The following DST variants were observed in gnomAD, a reference collection of about 807,000 sequenced individuals.
The protein encoded by DST is dystonin.
DST carries 253 observed loss-of-function variants against 875.2 expected under a neutral mutation model. The ratio of observed to expected loss-of-function variants is 0.29; its 90% confidence interval spans 0.26 to 0.32. The LOEUF (loss-of-function observed/expected upper bound fraction) is 0.32, where lower values mean the gene tolerates loss of function less well. DST is among the 10% of genes least tolerant of loss of function. DST has a pLI of 1.00. For missense variants in DST, 8,287 were observed against 9,111.6 expected, an observed-to-expected ratio of 0.91 and a Z score of 3.68; for synonymous variants, 3,124 against 3,197.1, an observed-to-expected ratio of 0.98 and a Z score of 0.77.
chr6:56,706,176 T>C (rs544297841), intron 5 of DST, among the ~76,000 whole-genome samples: 21 of 152,108 alleles, frequency 1.4e-4, no homozygotes, highest in Non-Finnish European at 2.8e-4. Flanking sequence ...TAGCCGTGCA[T>C]GGTGGCAGGT....
chr6:56,634,014 A>G lies in DST; in HGVS notation c.3621+118T>C. ...ACAAATATTCATTGAATAAATGAATATTAGCATGGATTTGCCGGACTCCAT... is the reference window on the plus strand; with the variant it reads ...ACAAATATTCATTGAATAAATGAATGTTAGCATGGATTTGCCGGACTCCAT... On this transcript the variant is annotated intron_variant, in intron 27 of 103. Coordinates refer to ENST00000680361, the MANE Select transcript of DST (RefSeq NM_001374736.1). 3 of 1,188,670 alleles carry G rather than the reference A, an allele frequency of 2.5e-6. No homozygotes were observed. In the South Asian group the frequency reaches 3.7e-5, roughly 15 times the overall value. The allele number at this position is 1,188,670 out of a possible 1,614,324, so 73.6% of individuals were successfully genotyped here.
Position 56,552,204 on chromosome 6 carries a change from GATTA to G in DST, c.16584_16587del (p.Asn5529SerfsTer24). On this transcript the variant is annotated frameshift_variant, in exon 61 of 104. Transcript: ENST00000680361. LOFTEE classifies it high-confidence loss of function. The stretch of plus-strand genomic sequence containing the variant: ...CCTACCTTGAACATGTTAAGCTGCT[GATTA>G]ATTGTCTCCGTTTCCATACCAACAG... 1 of 1,612,352 alleles carries G rather than the reference GATTA, an allele frequency of 6.2e-7. No individual in the cohort carries two copies. The highest frequency in any genetic ancestry group is 8.5e-7 in the Non-Finnish European group (1 of 1,179,134).
At position 56,594,191 on chromosome 6, in the gene DST, G is replaced by A. The variant is rs1431315325; in HGVS notation, c.12198C>T (p.Ala4066=). 2 of 1,512,482 alleles carry A rather than the reference G, an allele frequency of 1.3e-6. No homozygotes were observed. The allele number at this position is 1,512,482 out of a possible 1,614,324, so 93.7% of individuals were successfully genotyped here. A position where few individuals can be genotyped will look rare whatever the true frequency, so the allele number is the denominator to read the frequency against. The change falls in exon 48 of 104, where the codon GCC becomes GCT. Residue 4066 remains alanine, a splice_region_variant and synonymous_variant. Coordinates refer to ENST00000680361, the MANE Select transcript of DST (RefSeq NM_001374736.1). ...NLNQQYQKVK[A]QHEKIISQHQ... ...GCTGAGAGATGATCTTCTCGTGTTG[G>A]GCCTATGTGAAAACAAATTGATCAT...
At position 56,634,944 on chromosome 6, in the gene DST, C is replaced by T; in HGVS notation, c.3196G>A (p.Glu1066Lys). The change falls in exon 25 of 104, where the codon GAA (glutamate) becomes AAA (lysine). Residue 1066 changes from glutamate (E) to lysine (K), a missense_variant. Physicochemically the swap from Glu to Lys is moderately conservative, Grantham distance 56. This residue lies in a region of DST where 1,160 missense variants were observed against 1,424.3 expected (regional missense o/e 0.81). Transcript: ENST00000680361. ...GTGCTTTTGTACTGCAGAAGTTCTT[C>T]TTTCTCTTCCTAAGTAATAAATACA... The part of the protein sequence containing the change: ...DLVQESMEEK[E>K]ELLQYKSTIA... 1 of 1,611,612 alleles carries T rather than the reference C, an allele frequency of 6.2e-7. No individual in the cohort carries two copies. Among genetic ancestry groups the T allele is most frequent in the South Asian group, 1.1e-5 (1 of 91,028 alleles).
intron 4 of DST, among the ~76,000 whole-genome samples, chr6:56,824,242 C>A (rs1200033076): frequency 2.6e-5 from 4 of 152,200 alleles, no homozygotes; most frequent in Non-Finnish European, 4.4e-5. Flanking sequence ...AGCTCCTAAC[C>A]GCGAGTGATC....
intron 90 of DST, among the ~76,000 whole-genome samples, chr6:56,478,697 T>G (rs567831687): frequency 6.6e-6 from 1 of 152,296 alleles, no homozygotes; most frequent in South Asian, 2.1e-4. Context: ...TCTGGACCCC[T>G]GCACCAAGAG....
chr6:56,914,868 G>C (rs1800212506), intron 2 of DST, among the ~76,000 whole-genome samples: 1 of 152,150 alleles, frequency 6.6e-6, no homozygotes, highest in Non-Finnish European at 1.5e-5. Flanking sequence ...AAGCAAAGTG[G>C]GAATAGACAA....
At chr6:56,583,010 G>C (rs997584358) in intron 49 of DST, among the ~76,000 whole-genome samples, 1 of 152,114 alleles carries the variant, frequency 6.6e-6, no homozygotes, top group Non-Finnish European at 1.5e-5. Context: ...GGACATTTGG[G>C]TTGGTTCCAA....
chr6:56,596,331 T>A (rs1484848961), intron 47 of DST, among the ~76,000 whole-genome samples: 1 of 152,094 alleles, frequency 6.6e-6, no homozygotes, highest in Non-Finnish European at 1.5e-5. Context: ...CTGGCCCAGA[T>A]TAGGATTTTC....
In DST at chr6:56,843,240, T is replaced by C. The variant is rs796643898; in HGVS notation, c.625+8157A>G. The C allele has an allele frequency of 1.8e-5, 24 of 1,313,410 alleles. No homozygotes were observed. In the African/African-American group the frequency reaches 3.3e-4, roughly 18 times the overall value. The allele number at this position is 1,313,410 out of a possible 1,614,324, so 81.4% of individuals were successfully genotyped here. A position where few individuals can be genotyped will look rare whatever the true frequency, so the allele number is the denominator to read the frequency against. On this transcript the variant is annotated intron_variant, in intron 4 of 103. Coordinates refer to ENST00000680361, the MANE Select transcript of DST (RefSeq NM_001374736.1). ...GTCAGCAAGACACAGCCTTGGGAAC[T>C]GGAAAAGAGGAAGGAGCAGCACGCT...
chr6:56,516,132 GGAGA>G (rs5876515), intron 71 of DST, among the ~76,000 whole-genome samples: 96,029 of 145,562 alleles, frequency 0.66, 31,823 homozygotes, highest in Non-Finnish European at 0.7. Context: ...AGAGAGAGAG[GGAGA>G]GAGAGAGAGA....
chr6:56,520,796 A>G (rs971950186), intron 69 of DST, among the ~76,000 whole-genome samples: 2 of 152,038 alleles, frequency 1.3e-5, no homozygotes, highest in Non-Finnish European at 2.9e-5. Context: ...ATCAGTTCCT[A>G]TTTGTGTTTT....
chr6:56,881,727 C>T lies in DST; in HGVS notation c.417+18694G>A, dbSNP rs191355837. 7.9e-5 allele frequency among the ~76,000 whole-genome samples: 12 copies of T among 152,158 alleles called. No individual in the cohort carries two copies. The East Asian group carries it at 2.1e-3, about 27-fold the overall frequency. On this transcript the variant is annotated intron_variant, in intron 3 of 103. Transcript: ENST00000680361. ...CTCCTAAAAACAGGAAATAGTACAA[C>T]TCAAAAGATCAACAATCTGAAAATT... is the stretch of plus-strand genomic sequence containing the variant.
At chr6:56,708,913 T>C (rs1378274833) in intron 5 of DST, among the ~76,000 whole-genome samples, 1 of 152,206 alleles carries the variant, frequency 6.6e-6, no homozygotes, top group African/African-American at 2.4e-5. Flanking sequence ...ATGACTATAC[T>C]AACCGCCAAT....
intron 28 of DST, 23 bp downstream of exon 28, chr6:56,632,831 A>G (rs2098792933): frequency 1.9e-6 from 3 of 1,608,506 alleles, no homozygotes; most frequent in Non-Finnish European, 2.6e-6. Context: ...GGGGAAAAAA[A>G]GACAGGGATC....
rs1335397319 is a variant in DST, at chr6:56,731,300, C to T, written c.687+3928G>A. ...AGAAACAGGGTCACACCACGTTACC[C>T]AGACTGGACTCAAGAGACTCTCCCA... On this transcript the variant is annotated intron_variant, in intron 5 of 103. Coordinates refer to ENST00000680361, the MANE Select transcript of DST (RefSeq NM_001374736.1). 2.0e-5 allele frequency among the ~76,000 whole-genome samples: 3 copies of T among 152,200 alleles called. No homozygotes were observed. In the East Asian group the frequency reaches 5.8e-4, roughly 29 times the overall value.
intron 98 of DST, chr6:56,467,105 T>C (rs1427246128): frequency 6.6e-6 from 1 of 152,200 alleles, no homozygotes; most frequent in African/African-American, 2.4e-5. Context: ...AATAGGTTCA[T>C]GTCCAACTCA....
chr6:56,789,192 A>T (rs144562310), intron 4 of DST, among the ~76,000 whole-genome samples: 27 of 152,256 alleles, frequency 1.8e-4, no homozygotes, highest in African/African-American at 6.5e-4. Flanking sequence ...TTAATTAGCC[A>T]GGCATTGTCA....
rs142891776 is a variant in DST at position 56,950,011 on chromosome 6, T to C, written c.216+3774A>G. ...ACTAAAGGATTTGCCAGTTCAGTAT[T>C]ATAAGAAATGTCAACTAAAAACTCA... On this transcript the variant is annotated intron_variant, in intron 2 of 103. Transcript: ENST00000680361. Among the ~76,000 whole-genome samples, 3 of 152,304 alleles carry C rather than the reference T, an allele frequency of 2.0e-5. No individual in the cohort carries two copies. In the East Asian group the frequency reaches 5.8e-4, roughly 29 times the overall value.
Sources: allele counts gnomAD v4.1 joint callset (sites outside exome capture counted in the v4.1 genomes callset), GRCh38; gene constraint gnomAD v4.1.1; regional missense constraint gnomAD v4.1.1; transcripts MANE v1.5; gene names NCBI Gene and HGNC (gene_info 2026-07-23, HGNC 2026-07-21).